The following CCDC178 variants were observed in gnomAD, a reference collection of about 807,000 sequenced individuals.
CCDC178 encodes coiled-coil domain-containing protein 178.
In CCDC178, 126 loss-of-function variants were observed where a neutral mutation model predicts 117.4. That is an observed-to-expected ratio of 1.07 (90% CI 0.93 to 1.24). CCDC178 has a LOEUF of 1.24. CCDC178 is among the 50% of genes most tolerant of loss of function. The pLI, the probability that CCDC178 is intolerant of heterozygous loss-of-function variation, is 0.00. For missense variants in CCDC178, 1,030 were observed against 986.9 expected, an observed-to-expected ratio of 1.04 and a Z score of -0.59; for synonymous variants, 283 against 313.4, an observed-to-expected ratio of 0.90 and a Z score of 1.02.
At chr18:33,162,151 G>A (rs1047929415) in intron 20 of CCDC178, among the ~76,000 whole-genome samples, 13 of 152,228 alleles carry the variant, frequency 8.5e-5, no homozygotes, top group African/African-American at 3.1e-4. Context: ...ATGGACACAG[G>A]AAAGGGAACA....
At chr18:33,152,419 A>T (rs2058351569) in intron 20 of CCDC178, among the ~76,000 whole-genome samples, 1 of 151,980 alleles carries the variant, frequency 6.6e-6, no homozygotes, top group African/African-American at 2.4e-5. Flanking sequence ...ATAATGAGAC[A>T]CTAGCAAGCA....
chr18:33,086,677 G>A lies in CCDC178; in HGVS notation c.2388+6084C>T, dbSNP rs554060040. Among the ~76,000 whole-genome samples the A allele has an allele frequency of 3.3e-5, 5 of 152,052 alleles. No individual in the cohort carries two copies. The East Asian group carries it at 7.7e-4, about 23-fold the overall frequency. On this transcript the variant is annotated intron_variant, in intron 21 of 22. Coordinates refer to ENST00000383096, the MANE Select transcript of CCDC178 (RefSeq NM_001105528.4). The stretch of plus-strand genomic sequence containing the variant: ...CTCTAAGAAGGGGATATAGTACACA[G>A]TGTGTCATGTTATATATATGTATAT...
At chr18:33,110,377 A>G (rs890132622) in intron 20 of CCDC178, among the ~76,000 whole-genome samples, 2 of 151,588 alleles carry the variant, frequency 1.3e-5, no homozygotes, top group Non-Finnish European at 3.0e-5. Context: ...CTTTTGATGA[A>G]TGGAACATCT....
chr18:33,359,070 G>A (rs1233180527), intron 6 of CCDC178, among the ~76,000 whole-genome samples: 3 of 151,780 alleles, frequency 2.0e-5, no homozygotes, highest in Non-Finnish European at 4.4e-5. Flanking sequence ...GTTGATTTAT[G>A]TGACAGTTCT....
At chr18:33,333,506 CTTTTTTTTTTTTTT>C (rs11361411) in intron 9 of CCDC178, 112 bp from the exon 10 acceptor site, 10 of 152,916 alleles carry the variant, frequency 6.5e-5, no homozygotes, top group Admixed American at 4.6e-4. Flanking sequence ...AATCTTACTA[CTTTTTTTTTTTTTT>C]TTTTTTTTTT....
intron 20 of CCDC178, among the ~76,000 whole-genome samples, chr18:33,207,083 G>A (rs988962382): frequency 2.0e-5 from 3 of 152,120 alleles, no homozygotes; most frequent in Non-Finnish European, 4.4e-5. Context: ...ACTATGGCAG[G>A]CTAACCAGTT....
Position 33,348,875 on chromosome 18 carries a change from G to A in CCDC178, c.457+15C>T. 5 of 1,536,204 alleles carry A rather than the reference G, an allele frequency of 3.3e-6. No individual in the cohort carries two copies. The highest frequency in any genetic ancestry group is 4.5e-6 in the Non-Finnish European group (5 of 1,111,176). On this transcript the variant is annotated intron_variant, in intron 8 of 22. Coordinates refer to ENST00000383096, the MANE Select transcript of CCDC178 (RefSeq NM_001105528.4). The stretch of plus-strand genomic sequence containing the variant: ...TAAATATATACAGTTATTCAAGTAG[G>A]AGGAACAACTTTACCTCTCTTTTCT...
At chr18:33,045,776 C>A (rs1426795038) in intron 21 of CCDC178, among the ~76,000 whole-genome samples, 3 of 152,154 alleles carry the variant, frequency 2.0e-5, no homozygotes. Flanking sequence ...AAAAGTCTTA[C>A]AATACTTAGG....
intron 6 of CCDC178, among the ~76,000 whole-genome samples, chr18:33,362,004 A>C (rs2063135223): frequency 6.6e-6 from 1 of 151,762 alleles, no homozygotes; most frequent in Non-Finnish European, 1.5e-5. Context: ...CTTCACACCC[A>C]TATTCGCTGC....
At chr18:33,067,497 G>A (rs1042998714) in intron 21 of CCDC178, among the ~76,000 whole-genome samples, 1 of 152,048 alleles carries the variant, frequency 6.6e-6, no homozygotes, top group African/African-American at 2.4e-5. Flanking sequence ...TAGAAGGAAA[G>A]AAATAATAAT....
chr18:33,205,928 A>G (rs1329030120), intron 20 of CCDC178, among the ~76,000 whole-genome samples: 1 of 152,192 alleles, frequency 6.6e-6, no homozygotes, highest in Non-Finnish European at 1.5e-5. Context: ...TCCTGGGCTC[A>G]AGTGATCTGC....
chr18:33,011,752 T>C (rs1455572428), intron 21 of CCDC178, among the ~76,000 whole-genome samples: 2 of 85,902 alleles, frequency 2.3e-5, no homozygotes, highest in African/African-American at 9.2e-5. Context: ...ACGTGGCAAA[T>C]GATTGAGCAG....
chr18:33,114,332 C>T (rs1478822512), intron 20 of CCDC178, among the ~76,000 whole-genome samples: 1 of 151,884 alleles, frequency 6.6e-6, no homozygotes. Context: ...GCAGGAGAGA[C>T]CCTGGTAGCC....
chr18:33,372,234 A>C (rs1007511986), intron 5 of CCDC178, among the ~76,000 whole-genome samples: 6 of 151,994 alleles, frequency 3.9e-5, no homozygotes. Context: ...GGTTCATGTT[A>C]CTCTTTTTAT....
At chr18:33,266,388 C>G (rs2059814525) in intron 14 of CCDC178, among the ~76,000 whole-genome samples, 2 of 151,814 alleles carry the variant, frequency 1.3e-5, no homozygotes, top group Admixed American at 1.3e-4. Flanking sequence ...TTCAGACATT[C>G]ACTATGGGTC....
chr18:33,267,080 C>G (rs1200062003), intron 13 of CCDC178, 28 bp from the exon 14 acceptor site: 1 of 1,561,648 alleles, frequency 6.4e-7, no homozygotes, highest in Non-Finnish European at 8.6e-7. Flanking sequence ...AAGAATCATT[C>G]ATACATGTCT....
chr18:33,375,287 C>A (rs991779830), intron 5 of CCDC178, among the ~76,000 whole-genome samples: 2 of 152,014 alleles, frequency 1.3e-5, no homozygotes, highest in African/African-American at 2.4e-5. Context: ...CCTATTTTTT[C>A]TCATATTCCT....
chr18:33,282,358 T>C (rs1315383579), intron 12 of CCDC178, among the ~76,000 whole-genome samples: 1 of 152,108 alleles, frequency 6.6e-6, no homozygotes, highest in Non-Finnish European at 1.5e-5. Context: ...TTGGCCACCA[T>C]ACCTCTAGGC....
intron 20 of CCDC178, among the ~76,000 whole-genome samples, chr18:33,154,222 C>T (rs1175433257): frequency 2.0e-5 from 3 of 151,962 alleles, no homozygotes; most frequent in African/African-American, 7.3e-5. Flanking sequence ...GAAGGAGACC[C>T]CAGGGAGAGA....
Sources: allele counts gnomAD v4.1 joint callset (sites outside exome capture counted in the v4.1 genomes callset), GRCh38; gene constraint gnomAD v4.1.1; transcripts MANE v1.5; gene names NCBI Gene and HGNC (gene_info 2026-07-23, HGNC 2026-07-21).